The following SPTBN1 variants were observed in gnomAD, a reference collection of about 807,000 sequenced individuals.
SPTBN1 encodes the protein spectrin beta chain, non-erythrocytic 1.
SPTBN1 carries 32 observed loss-of-function variants against 266.4 expected under a neutral mutation model. That is an observed-to-expected ratio of 0.12 (90% CI 0.09 to 0.16). The LOEUF (loss-of-function observed/expected upper bound fraction) is 0.16. SPTBN1 is among the 10% of genes least tolerant of loss of function. SPTBN1 has a pLI of 1.00. For missense variants in SPTBN1, 2,296 were observed against 3,067.1 expected, an observed-to-expected ratio of 0.75 and a Z score of 5.94; for synonymous variants, 1,336 against 1,162.2, an observed-to-expected ratio of 1.15 and a Z score of -3.04.
chr2:54,644,259 T>C, intron 19 of SPTBN1, 64 bp from the exon 20 acceptor site: 2 of 1,559,922 alleles, frequency 1.3e-6, no homozygotes, highest in Non-Finnish European at 1.7e-6. Flanking sequence ...GGTTTGTTTT[T>C]CACAGTGACA....
intron 29 of SPTBN1, among the ~76,000 whole-genome samples, chr2:54,656,805 C>T (rs533050447): frequency 2.0e-5 from 3 of 152,202 alleles, no homozygotes; most frequent in Non-Finnish European, 4.4e-5. Context: ...AGGATTTGGT[C>T]TGTATGTTTT....
Position 54,616,203 on chromosome 2 carries a change from T to C in SPTBN1, c.475-4T>C. 1 of 1,613,086 alleles carries C rather than the reference T, an allele frequency of 6.2e-7. No homozygotes were observed. The highest frequency in any genetic ancestry group is 8.5e-7 in the Non-Finnish European group (1 of 1,179,294). ...TTTGTCTAATATTTCTTTGTAAATC[T>C]TAGATCCAGGATATCAGTGTGGAAA... On this transcript the variant is annotated splice_polypyrimidine_tract_variant and splice_region_variant and intron_variant, in intron 4 of 35. Transcript: ENST00000356805.
intron 29 of SPTBN1, 140 bp from the exon 30 acceptor site, chr2:54,657,710 G>C: frequency 1.0e-6 from 1 of 971,002 alleles, no homozygotes. Context: ...CATTTACATT[G>C]GACAGGGCTA....
intron 2 of SPTBN1, among the ~76,000 whole-genome samples, chr2:54,561,888 A>AAC (rs201226533): frequency 1.3e-5 from 2 of 150,538 alleles, no homozygotes; most frequent in Non-Finnish European, 3.0e-5. Context: ...TTAAAAAAAA[A>AAC]ACCTCATTGA....
Position 54,621,425 on chromosome 2 carries a change from G to A in SPTBN1, c.789G>A (p.Glu263=), listed in dbSNP as rs748490095. 1.2e-6 allele frequency: 2 copies of A among 1,613,876 alleles called. No individual in the cohort carries two copies. The highest frequency in any genetic ancestry group is 4.5e-5 in the East Asian group (2 of 44,888). ...PEDISVDHPD[E]KSIITYVVTY... is the part of the protein sequence containing the mutation. The stretch of plus-strand genomic sequence containing the variant: ...ACATCAGCGTGGACCATCCTGATGA[G>A]AAGTCCATAATCACTTATGTGGTGA... Residue 263 remains glutamate (E), a synonymous_variant, in exon 8 of 36, where the codon GAG becomes GAA. Transcript: ENST00000356805.
intron 2 of SPTBN1, among the ~76,000 whole-genome samples, chr2:54,559,757 A>G (rs1281908590): frequency 2.6e-5 from 4 of 152,194 alleles, no homozygotes; most frequent in Non-Finnish European, 5.9e-5. Context: ...AGTCAGTAGT[A>G]GGCTGGGAAT....
intron 2 of SPTBN1, 151 bp from the exon 3 acceptor site, chr2:54,598,941 A>G (rs1676287743): frequency 4.1e-6 from 3 of 737,548 alleles, no homozygotes; most frequent in Non-Finnish European, 6.6e-6. Flanking sequence ...TCTCAAAGAC[A>G]TGACCGCAGT....
chr2:54,477,011 A>G (rs1667865352), intron 1 of SPTBN1, among the ~76,000 whole-genome samples: 1 of 97,888 alleles, frequency 1.0e-5, no homozygotes, highest in East Asian at 3.0e-4. Flanking sequence ...GTCCAAACAC[A>G]CCGAGTTTTT....
Position 54,599,082 on chromosome 2 carries a change from C to G in SPTBN1, c.149-10C>G. Reference sequence around the variant, plus strand: ...GGTCAATGGTAAAACAAGTTCTTCTCTGCTTGCAGATGAGCGTGAAGCCGT... The same window carrying G: ...GGTCAATGGTAAAACAAGTTCTTCTGTGCTTGCAGATGAGCGTGAAGCCGT... On this transcript the variant is annotated splice_polypyrimidine_tract_variant and intron_variant, in intron 2 of 35. Coordinates refer to ENST00000356805, the MANE Select transcript of SPTBN1 (RefSeq NM_003128.3). The G allele has an allele frequency of 1.2e-6, 2 of 1,613,612 alleles. No individual in the cohort carries two copies. The highest frequency in any genetic ancestry group is 1.7e-6 in the Non-Finnish European group (2 of 1,179,764).
intron 8 of SPTBN1, 56 bp from the exon 9 acceptor site, chr2:54,622,244 G>A (rs765441456): frequency 3.6e-5 from 56 of 1,572,508 alleles, no homozygotes; most frequent in Non-Finnish European, 4.0e-5. Context: ...GGTTACAATC[G>A]TATTTAACTT....
At chr2:54,621,539 G>C (rs749332048) in intron 8 of SPTBN1, 27 bp downstream of exon 8, 3 of 1,579,828 alleles carry the variant, frequency 1.9e-6, no homozygotes, top group East Asian at 4.5e-5. Context: ...TTTGTGAGTT[G>C]TGAGACATAA....
intron 2 of SPTBN1, among the ~76,000 whole-genome samples, chr2:54,543,924 C>T (rs1672085395): frequency 6.6e-6 from 1 of 151,968 alleles, no homozygotes; most frequent in South Asian, 2.1e-4. Context: ...GAGGGTTGGT[C>T]CTTCATGGGG....
rs1255420050 is a variant in SPTBN1, at chr2:54,616,429, A to G, written c.566+131A>G. The G allele has an allele frequency of 2.5e-5, 16 of 648,332 alleles. No individual in the cohort carries two copies. The East Asian group carries it at 3.8e-4, about 15-fold the overall frequency. 40.2% of individuals were successfully genotyped at this position (648,332 alleles called of 1,614,324 possible). On this transcript the variant is annotated intron_variant, in intron 5 of 35. Transcript: ENST00000356805. ...TGGGAAGTCTTGTTAACTCGCAAGC[A>G]GTTGATATGACTTTTCAATTAGCTC...
At chr2:54,482,086 T>C (rs1668130016) in intron 1 of SPTBN1, among the ~76,000 whole-genome samples, 1 of 152,190 alleles carries the variant, frequency 6.6e-6, no homozygotes, top group Admixed American at 6.5e-5. Context: ...CCTCATTATT[T>C]ACATGGCTTA....
intron 9 of SPTBN1, 125 bp downstream of exon 9, chr2:54,622,612 C>A: frequency 9.2e-7 from 1 of 1,092,490 alleles, no homozygotes; most frequent in Non-Finnish European, 1.3e-6. Flanking sequence ...GTGTGTCCTA[C>A]TCCTTTTCAT....
chr2:54,589,974 A>T (rs1182222119), intron 2 of SPTBN1, among the ~76,000 whole-genome samples: 1 of 152,238 alleles, frequency 6.6e-6, no homozygotes, highest in African/African-American at 2.4e-5. Context: ...GTTGCAACAA[A>T]TTAAGTCTTG....
chr2:54,632,610 A>G lies in SPTBN1; in HGVS notation c.3609A>G (p.Gly1203=), dbSNP rs1470866491. The G allele has an allele frequency of 1.9e-6, 3 of 1,614,114 alleles. No individual in the cohort carries two copies. The highest frequency in any genetic ancestry group is 2.5e-6 in the Non-Finnish European group (3 of 1,180,050). The change falls in exon 17 of 36, where the codon GGA becomes GGG. Residue 1203 remains glycine (G), a synonymous_variant. Coordinates refer to ENST00000356805, the MANE Select transcript of SPTBN1 (RefSeq NM_003128.3). ...AHTEMPTTLE[G]AEAAIKKQED... ...CTGAAATGCCTACCACCTTGGAAGG[A>G]GCTGAAGCAGCAATTAAAAAGCAAG...
At chr2:54,522,701 A>AAGAGAG (rs1196501016) in intron 1 of SPTBN1, among the ~76,000 whole-genome samples, 6 of 70,200 alleles carry the variant, frequency 8.5e-5, no homozygotes, top group African/African-American at 1.5e-4. Context: ...GAGAGAGAGA[A>AAGAGAG]AGAAAGAAAG....
chr2:54,519,078 A>G (rs1422504402), intron 1 of SPTBN1, among the ~76,000 whole-genome samples: 2 of 152,166 alleles, frequency 1.3e-5, no homozygotes, highest in Non-Finnish European at 2.9e-5. Context: ...AGAGGAGTAT[A>G]TGTTTCAGGC....
Sources: allele counts gnomAD v4.1 joint callset (sites outside exome capture counted in the v4.1 genomes callset), GRCh38; gene constraint gnomAD v4.1.1; transcripts MANE v1.5; gene names NCBI Gene and HGNC (gene_info 2026-07-23, HGNC 2026-07-21).